Variants in LMBRD1 observed in about 807,000 individuals in gnomAD.
LMBRD1 encodes the protein lysosomal cobalamin transport escort protein LMBD1.
In LMBRD1, 64 loss-of-function variants were observed where a neutral mutation model predicts 74.8. The observed-to-expected ratio is 0.86, with a 90% confidence interval of 0.70 to 1.05. The LOEUF is 1.05. LMBRD1 is among the 50% of genes least tolerant of loss of function. LMBRD1 has a pLI of 0.00. For missense variants in LMBRD1, 652 were observed against 645.9 expected, an observed-to-expected ratio of 1.01 and a Z score of -0.10; for synonymous variants, 204 against 216.3, an observed-to-expected ratio of 0.94 and a Z score of 0.50.
chr6:69,748,794 C>G (rs1030183393), intron 5 of LMBRD1, among the ~76,000 whole-genome samples: 1 of 151,584 alleles, frequency 6.6e-6, no homozygotes, highest in African/African-American at 2.4e-5. Flanking sequence ...AGTATAAAAA[C>G]AAGAAGAATT....
chr6:69,741,999 G>C lies in LMBRD1; in HGVS notation c.474-122C>G, dbSNP rs972194083. 4 of 620,066 alleles carry C rather than the reference G, an allele frequency of 6.5e-6. No homozygotes were observed. In the African/African-American group the frequency reaches 7.4e-5, roughly 12 times the overall value. 38.4% of individuals were successfully genotyped at this position (620,066 alleles called of 1,614,324 possible). On this transcript the variant is annotated intron_variant, in intron 5 of 15. Transcript: ENST00000649934. The stretch of plus-strand genomic sequence containing the variant: ...AAATAAAATCTGTACTATGCACAGA[G>C]GGGAGTGAAAAGTTTCTTATCTATG...
At chr6:69,741,637 C>T in intron 6 of LMBRD1, 152 bp downstream of exon 6, 2 of 554,596 alleles carry the variant, frequency 3.6e-6, no homozygotes, top group Non-Finnish European at 6.5e-6. Flanking sequence ...ACCCCCCACC[C>T]CTCGGCCTCC....
intron 3 of LMBRD1, among the ~76,000 whole-genome samples, chr6:69,778,112 A>C (rs1008626905): frequency 1.3e-5 from 2 of 152,190 alleles, no homozygotes; most frequent in Non-Finnish European, 2.9e-5. Flanking sequence ...TATCCAATTA[A>C]ATTTTCTTGT....
intron 14 of LMBRD1, among the ~76,000 whole-genome samples, chr6:69,684,394 TAGAA>T (rs962309026): frequency 1.8e-4 from 27 of 150,506 alleles, no homozygotes; most frequent in African/African-American, 5.6e-4. Context: ...AAATAGAAAA[TAGAA>T]AGAAACCATG....
intron 4 of LMBRD1, among the ~76,000 whole-genome samples, chr6:69,752,008 G>C (rs1765168970): frequency 6.6e-6 from 1 of 152,168 alleles, no homozygotes; most frequent in South Asian, 2.1e-4. Context: ...CAAAGACTTA[G>C]TGTGAAGAAA....
chr6:69,720,971 C>G (rs767633587), intron 7 of LMBRD1, among the ~76,000 whole-genome samples: 5 of 152,196 alleles, frequency 3.3e-5, no homozygotes, highest in Non-Finnish European at 4.4e-5. Flanking sequence ...TTACACTGAA[C>G]TCAGTGCTGT....
intron 7 of LMBRD1, among the ~76,000 whole-genome samples, chr6:69,736,442 C>G (rs1766979461): frequency 6.6e-6 from 1 of 152,106 alleles, no homozygotes; most frequent in South Asian, 2.1e-4. Flanking sequence ...CGGGAACCAA[C>G]ACACAAAAAA....
At chr6:69,785,321 GCTAGTCAGTCC>G (rs1765923007) in intron 2 of LMBRD1, among the ~76,000 whole-genome samples, 2 of 152,276 alleles carry the variant, frequency 1.3e-5, no homozygotes, top group South Asian at 4.1e-4. Context: ...CTTCCCAGCT[GCTAGTCAGTCC>G]ATAACTGTAG....
At chr6:69,773,923 C>T (rs895211338) in intron 3 of LMBRD1, among the ~76,000 whole-genome samples, 3 of 152,146 alleles carry the variant, frequency 2.0e-5, no homozygotes, top group Non-Finnish European at 2.9e-5. Context: ...TAATGTTACA[C>T]ACTGAAGAAG....
intron 4 of LMBRD1, 69 bp downstream of exon 4, chr6:69,752,190 A>G (rs1255120302): frequency 6.7e-7 from 1 of 1,492,084 alleles, no homozygotes; most frequent in African/African-American, 1.4e-5. Flanking sequence ...TCAGTCATTC[A>G]TTCTCTGAAA....
At chr6:69,707,565 T>C (rs1302412938) in intron 9 of LMBRD1, among the ~76,000 whole-genome samples, 1 of 152,182 alleles carries the variant, frequency 6.6e-6, no homozygotes, top group Non-Finnish European at 1.5e-5. Context: ...CACCGTTTAT[T>C]TTTAGTCCTT....
chr6:69,730,659 T>A (rs1478718601), intron 7 of LMBRD1, among the ~76,000 whole-genome samples: 2 of 152,112 alleles, frequency 1.3e-5, no homozygotes, highest in African/African-American at 4.8e-5. Context: ...TGAGTTTAAT[T>A]GCCACTTATG....
intron 14 of LMBRD1, among the ~76,000 whole-genome samples, chr6:69,685,645 A>G (rs1204897540): frequency 2.0e-5 from 3 of 152,124 alleles, no homozygotes; most frequent in Non-Finnish European, 4.4e-5. Flanking sequence ...TACTAAAAAT[A>G]CAAAAATTAG....
At chr6:69,686,409 A>G (rs888355391) in intron 14 of LMBRD1, among the ~76,000 whole-genome samples, 3 of 152,172 alleles carry the variant, frequency 2.0e-5, no homozygotes, top group Non-Finnish European at 2.9e-5. Context: ...CTAATAGGTT[A>G]CACTATTAGT....
At chr6:69,755,588 T>A (rs199633432) in intron 3 of LMBRD1, among the ~76,000 whole-genome samples, 13 of 132,838 alleles carry the variant, frequency 9.8e-5, no homozygotes, top group East Asian at 4.2e-4. Flanking sequence ...TCCCAGAACT[T>A]AAAAAAAAAA....
At chr6:69,693,541 A>G (rs927840932) in intron 14 of LMBRD1, among the ~76,000 whole-genome samples, 1 of 152,048 alleles carries the variant, frequency 6.6e-6, no homozygotes, top group African/African-American at 2.4e-5. Context: ...TAACACTGAA[A>G]ATTAAAATTT....
At chr6:69,760,848 C>T (rs953893066) in intron 3 of LMBRD1, among the ~76,000 whole-genome samples, 10 of 152,138 alleles carry the variant, frequency 6.6e-5, no homozygotes, top group African/African-American at 2.4e-4. Context: ...TAACAAAGAA[C>T]TGATGTTACA....
chr6:69,761,607 A>G (rs1405809873), intron 3 of LMBRD1, among the ~76,000 whole-genome samples: 2 of 152,208 alleles, frequency 1.3e-5, no homozygotes, highest in Non-Finnish European at 2.9e-5. Context: ...CTTCACTTAC[A>G]TTAGCTGATT....
In LMBRD1 at chr6:69,675,956, C is replaced by A. The variant is rs572611776; in HGVS notation, c.*202G>T. On this transcript the variant is annotated 3_prime_UTR_variant, in exon 16 of 16. Coordinates refer to ENST00000649934, the MANE Select transcript of LMBRD1 (RefSeq NM_018368.4). ...CACAAAGCCAGTAGTCTTATATTTA[C>A]ATAGCATGATTATGGTAATTTAAAA... The A allele has an allele frequency of 2.3e-5, 13 of 559,620 alleles. No individual in the cohort carries two copies. Among genetic ancestry groups the A allele is most frequent in the Middle Eastern group, 9.6e-4 (2 of 2,082 alleles). 34.7% of individuals were successfully genotyped at this position (559,620 alleles called of 1,614,324 possible). A position where few individuals can be genotyped will look rare whatever the true frequency, so the allele number is the denominator to read the frequency against.
Sources: gnomAD v4.1 joint callset for allele counts (sites outside exome capture counted in the v4.1 genomes callset) on GRCh38, gnomAD v4.1.1 for gene constraint, MANE v1.5 for transcripts, NCBI Gene and HGNC (gene_info 2026-07-23, HGNC 2026-07-21) for gene names.